Variants in LINGO2 observed in about 807,000 individuals in gnomAD.
LINGO2 encodes leucine rich repeat and Ig domain containing 2.
In LINGO2, 14 loss-of-function variants were observed where a neutral mutation model predicts 30.6. The observed-to-expected ratio is 0.46, with a 90% confidence interval of 0.30 to 0.72. The LOEUF (loss-of-function observed/expected upper bound fraction) is 0.72, where lower values mean the gene tolerates loss of function less well. Ranked by LOEUF, LINGO2 falls within the 30% of genes least tolerant of loss-of-function variation. The pLI, the probability that LINGO2 is intolerant of heterozygous loss-of-function variation, is 0.07. For missense variants in LINGO2, 729 were observed against 751.7 expected, an observed-to-expected ratio of 0.97 and a Z score of 0.35; for synonymous variants, 317 against 288.5, an observed-to-expected ratio of 1.10 and a Z score of -1.00.
intron 5 of LINGO2, among the ~76,000 whole-genome samples, chr9:28,000,272 A>T (rs1272317222): frequency 6.6e-6 from 1 of 152,172 alleles, no homozygotes; most frequent in Non-Finnish European, 1.5e-5. Flanking sequence ...AAGTTTTCCC[A>T]CTGAAAGAAC....
At chr9:28,582,014 CTA>C (rs1457977985) in intron 1 of LINGO2, among the ~76,000 whole-genome samples, 1 of 151,974 alleles carries the variant, frequency 6.6e-6, no homozygotes, top group East Asian at 1.9e-4. Flanking sequence ...TCCAGACACT[CTA>C]TGTTTGTGAG....
chr9:28,001,357 C>T (rs1821943314), intron 5 of LINGO2, among the ~76,000 whole-genome samples: 1 of 152,106 alleles, frequency 6.6e-6, no homozygotes, highest in Non-Finnish European at 1.5e-5. Context: ...GAATCATCGA[C>T]TTGTAGAATT....
chr9:29,060,799 A>G, the LINGO2 span, among the ~76,000 whole-genome samples: 2,049 of 152,046 alleles, frequency 0.013, 22 homozygotes, highest in Non-Finnish European at 0.024. Flanking sequence ...AATGGAGATA[A>G]AAGAGTGAAG....
intron 3 of LINGO2, among the ~76,000 whole-genome samples, chr9:28,348,071 A>G (rs987190271): frequency 5.3e-5 from 8 of 152,176 alleles, no homozygotes; most frequent in Non-Finnish European, 8.8e-5. Flanking sequence ...TTGTAGGTAT[A>G]GTGAATATAA....
At chr9:28,917,413 C>A in the LINGO2 span, among the ~76,000 whole-genome samples, 2 of 148,454 alleles carry the variant, frequency 1.3e-5, no homozygotes, top group African/African-American at 2.5e-5. Flanking sequence ...AAACAAAACT[C>A]AAAAAAAAAA....
upstream of LINGO2, among the ~76,000 whole-genome samples, chr9:28,670,668 C>CT (rs1243610048): frequency 6.6e-6 from 1 of 152,102 alleles, no homozygotes; most frequent in Non-Finnish European, 1.5e-5. Context: ...GAGGGTTTAG[C>CT]TTTTACCACT....
chr9:28,380,070 A>G (rs1821285540), intron 2 of LINGO2, among the ~76,000 whole-genome samples: 1 of 152,098 alleles, frequency 6.6e-6, no homozygotes, highest in African/African-American at 2.4e-5. Context: ...CTGCTACAGT[A>G]GCAGAGTTAA....
At chr9:29,119,855 C>A in the LINGO2 span, among the ~76,000 whole-genome samples, 1 of 152,038 alleles carries the variant, frequency 6.6e-6, no homozygotes, top group African/African-American at 2.4e-5. Context: ...ACCTTGGCCT[C>A]CCAAAGTGCT....
intron 1 of LINGO2, among the ~76,000 whole-genome samples, chr9:28,517,950 C>T (rs545253350): frequency 9.2e-5 from 14 of 152,076 alleles, no homozygotes; most frequent in East Asian, 3.9e-4. Context: ...TAAATTTGTT[C>T]GAACATAGCA....
At chr9:28,531,295 G>C (rs1393497492) in intron 1 of LINGO2, among the ~76,000 whole-genome samples, 2 of 151,852 alleles carry the variant, frequency 1.3e-5, no homozygotes, top group Non-Finnish European at 2.9e-5. Context: ...AGCAACCTCT[G>C]TCCCTTCCAT....
the LINGO2 span, among the ~76,000 whole-genome samples, chr9:28,681,622 C>T: frequency 6.6e-6 from 1 of 152,056 alleles, no homozygotes; most frequent in Non-Finnish European, 1.5e-5. Context: ...GAACTGATGA[C>T]CCACACTTAG....
the LINGO2 span, among the ~76,000 whole-genome samples, chr9:29,087,603 A>T: frequency 6.6e-6 from 1 of 152,148 alleles, no homozygotes. Flanking sequence ...TCTCGCTCAT[A>T]GACCTCTATA....
chr9:28,919,131 A>C, the LINGO2 span, among the ~76,000 whole-genome samples: 63 of 152,270 alleles, frequency 4.1e-4, no homozygotes, highest in African/African-American at 1.4e-3. Context: ...TCTTCCTACA[A>C]CTCAAAATAT....
chr9:28,075,331 C>T (rs11792992), intron 4 of LINGO2, among the ~76,000 whole-genome samples: 5,797 of 151,938 alleles, frequency 0.038, 150 homozygotes, highest in African/African-American at 0.054. Flanking sequence ...AATCACTGAA[C>T]TAAAATTTAT....
chr9:28,596,804 T>G (rs1044031589), intron 1 of LINGO2, among the ~76,000 whole-genome samples: 5 of 152,158 alleles, frequency 3.3e-5, no homozygotes, highest in African/African-American at 1.2e-4. Flanking sequence ...AAATGACCCA[T>G]TAATTACAAC....
At chr9:28,270,438 A>G (rs2134085640) in intron 4 of LINGO2, among the ~76,000 whole-genome samples, 1 of 152,158 alleles carries the variant, frequency 6.6e-6, no homozygotes, top group South Asian at 2.1e-4. Context: ...AGCCACCAGG[A>G]GAGCTATACT....
At chr9:28,004,928 T>C (rs1272113180) in intron 5 of LINGO2, among the ~76,000 whole-genome samples, 1 of 152,184 alleles carries the variant, frequency 6.6e-6, no homozygotes, top group African/African-American at 2.4e-5. Flanking sequence ...ATATGATTTT[T>C]AAAACCATCA....
At chr9:28,134,715 A>T (rs1827468411) in intron 4 of LINGO2, among the ~76,000 whole-genome samples, 2 of 152,270 alleles carry the variant, frequency 1.3e-5, no homozygotes, top group South Asian at 4.1e-4. Context: ...TGCCAAGGTG[A>T]TGAATCTAAT....
chr9:28,117,299 C>G (rs1826941186), intron 4 of LINGO2, among the ~76,000 whole-genome samples: 2 of 148,810 alleles, frequency 1.3e-5, no homozygotes, highest in Admixed American at 6.7e-5. Flanking sequence ...CTGGGAGAAC[C>G]ACTGCTCTCT....
Sources: allele counts gnomAD v4.1 joint callset (sites outside exome capture counted in the v4.1 genomes callset), GRCh38; gene constraint gnomAD v4.1.1; transcripts MANE v1.5; gene names NCBI Gene and HGNC (gene_info 2026-07-23, HGNC 2026-07-21).